ZNF527: variants seen among roughly 807,000 people sequenced by gnomAD.
ZNF527 encodes zinc finger protein 527.
ZNF527 carries 5 observed loss-of-function variants against 13.5 expected under a neutral mutation model. The observed-to-expected ratio is 0.37, with a 90% CI of 0.19 to 0.78. The LOEUF (loss-of-function observed/expected upper bound fraction) is 0.78. ZNF527 is among the 30% of genes least tolerant of loss of function. The pLI, the probability that ZNF527 is intolerant of heterozygous loss-of-function variation, is 0.48. For synonymous variants in ZNF527, 209 were observed against 243.1 expected, an observed-to-expected ratio of 0.86 and a Z score of 1.30; for missense variants, 628 against 726.4, an observed-to-expected ratio of 0.86 and a Z score of 1.56.
intron 2 of ZNF527, among the ~76,000 whole-genome samples, chr19:37,376,775 G>A (rs2040612199): frequency 6.6e-6 from 1 of 151,024 alleles, no homozygotes. Flanking sequence ...TTACAGTAGT[G>A]TAGCCAGCAG....
chr19:37,375,258 CTT>C (rs1490284010), intron 2 of ZNF527, among the ~76,000 whole-genome samples: 2 of 111,350 alleles, frequency 1.8e-5, no homozygotes, highest in African/African-American at 8.0e-5. Context: ...TTCTTTCTTT[CTT>C]TCTTTCTTTC....
At position 37,379,122 on chromosome 19, in the gene ZNF527, G is replaced by A. The variant is rs1174607605; in HGVS notation, c.36G>A (p.Gly12=). ...AVGLCKAMSQ[G]LVTFRDVALD... ...GAACAAGAATTTTTTTATTTCAGGGGTTGGTGACCTTCAGAGATGTGGCGC... is the reference window on the plus strand; with the variant it reads ...GAACAAGAATTTTTTTATTTCAGGGATTGGTGACCTTCAGAGATGTGGCGC... Residue 12 remains glycine (G), a splice_region_variant and synonymous_variant, in exon 3 of 5, where the codon GGG becomes GGA. Transcript: ENST00000436120. The A allele has an allele frequency of 6.2e-7, 1 of 1,614,032 alleles. No individual in the cohort carries two copies. The highest frequency in any genetic ancestry group is 2.2e-5 in the East Asian group (1 of 44,868).
chr19:37,375,279 T>TTTCTTTCC (rs2040591429), intron 2 of ZNF527, among the ~76,000 whole-genome samples: 1 of 129,230 alleles, frequency 7.7e-6, no homozygotes, highest in Admixed American at 8.1e-5. Context: ...TCTTTCTTTC[T>TTTCTTTCC]TTCTTTCTTT....
chr19:37,374,060 T>G, intron 1 of ZNF527, 98 bp from the exon 2 acceptor site: 2 of 781,144 alleles, frequency 2.6e-6, no homozygotes, highest in African/African-American at 1.7e-5. Flanking sequence ...GGCTGGCCCA[T>G]GTAGGGAGAA....
At chr19:37,386,887 A>T (rs990562426) in intron 4 of ZNF527, among the ~76,000 whole-genome samples, 23 of 152,214 alleles carry the variant, frequency 1.5e-4, no homozygotes, top group Non-Finnish European at 2.5e-4. Context: ...CAAGTGAGTG[A>T]GGGAACAGAA....
In ZNF527 at chr19:37,389,709, T is replaced by C; in HGVS notation, c.1660T>C (p.Tyr554His). 6.2e-7 allele frequency: 1 copy of C among 1,614,076 alleles called. No individual in the cohort carries two copies. The highest frequency in any genetic ancestry group is 8.5e-7 in the Non-Finnish European group (1 of 1,180,028). ...AAGAATTCATACTGGAGAGAAACCC[T>C]ATGAATGTAGTGAATGTGGGAAGGC... is the stretch of plus-strand genomic sequence containing the variant. ...HQRIHTGEKP[Y>H]ECSECGKAFH... Residue 554 changes from tyrosine to histidine, a missense_variant, in exon 5 of 5, where the codon TAT becomes CAT. Physicochemically the swap from Tyr to His is moderately conservative, Grantham distance 83 (BLOSUM62 2). This residue lies in a region of ZNF527 where 592 missense variants were observed against 678.0 expected (regional missense o/e 0.87). Coordinates refer to ENST00000436120, the MANE Select transcript of ZNF527 (RefSeq NM_032453.2).
intron 4 of ZNF527, 30 bp from the exon 5 acceptor site, chr19:37,388,276 G>A (rs752891488): frequency 3.3e-5 from 52 of 1,597,164 alleles, no homozygotes; most frequent in Non-Finnish European, 4.2e-5. Context: ...AAAGAACAAA[G>A]GAGACATTTG....
In ZNF527 at chr19:37,389,650, C is replaced by T. The variant is rs193056670; in HGVS notation, c.1601C>T (p.Ala534Val). 318 of 1,614,058 alleles carry T rather than the reference C, an allele frequency of 2.0e-4. 2 individuals carry two copies. The African/African-American group carries it at 3.3e-3, about 17-fold the overall frequency. ...KPYECNKCGK[A>V]FSCGSYLNQH... ...TATGAATGTAACAAATGTGGAAAGG[C>T]CTTCAGTTGTGGCTCATATCTTAAT... The change falls in exon 5 of 5, where the codon GCC becomes GTC. Residue 534 changes from alanine (A) to valine (V), a missense_variant. Physicochemically the swap from Ala to Val is moderately conservative, Grantham distance 64 (BLOSUM62 0). Transcript: ENST00000436120.
rs1000712510 is a variant in ZNF527 at position 37,391,236 on chromosome 19, CA to C, written c.*1359del. On this transcript the variant is annotated 3_prime_UTR_variant, in exon 5 of 5. Transcript: ENST00000436120. Reference sequence around the variant, plus strand: ...CATATTCTGTGGCAGAATATAATAACAATTAAATTGTAAATGAGGTCTTTTG... The same window carrying C: ...CATATTCTGTGGCAGAATATAATAACATTAAATTGTAAATGAGGTCTTTTG... The C allele has an allele frequency of 6.6e-6, 1 of 152,074 alleles. No homozygotes were observed. The highest frequency in any genetic ancestry group is 2.4e-5 in the African/African-American group (1 of 41,402). 9.4% of individuals were successfully genotyped at this position (152,074 alleles called of 1,614,324 possible). A position where few individuals can be genotyped will look rare whatever the true frequency, so the allele number is the denominator to read the frequency against.
At chr19:37,373,308 A>T (rs1025996718) in intron 1 of ZNF527, among the ~76,000 whole-genome samples, 1 of 152,356 alleles carries the variant, frequency 6.6e-6, no homozygotes, top group Admixed American at 6.5e-5. Flanking sequence ...TTTTATGTGT[A>T]TGTGAGATCA....
chr19:37,377,950 G>A (rs1250852493), intron 2 of ZNF527, among the ~76,000 whole-genome samples: 2 of 152,080 alleles, frequency 1.3e-5, no homozygotes, highest in African/African-American at 2.4e-5. Flanking sequence ...ACAACACTAT[G>A]GAGTTGTGTA....
chr19:37,375,294 C>CTTTCCT (rs1555826947), intron 2 of ZNF527, among the ~76,000 whole-genome samples: 3 of 104,192 alleles, frequency 2.9e-5, no homozygotes, highest in African/African-American at 1.3e-4. Context: ...TTCTTTCTTT[C>CTTTCCT]TTTCTTTCTT....
chr19:37,380,468 T>C (rs1467797885), intron 4 of ZNF527, 96 bp downstream of exon 4: 3 of 989,894 alleles, frequency 3.0e-6, no homozygotes, highest in Non-Finnish European at 4.5e-6. Flanking sequence ...GGATGAGAAC[T>C]GAAATCTCCA....
chr19:37,375,298 C>CTTTCTTTCTTTCTTTCT (rs1555826965), intron 2 of ZNF527, among the ~76,000 whole-genome samples: 33 of 103,812 alleles, frequency 3.2e-4, no homozygotes, highest in Non-Finnish European at 5.3e-4. Context: ...TTCTTTCTTT[C>CTTTCTTTCTTTCTTTCT]TTTCTTTCTT....
At chr19:37,372,732 C>G (rs1203108599) in intron 1 of ZNF527, among the ~76,000 whole-genome samples, 1 of 152,026 alleles carries the variant, frequency 6.6e-6, no homozygotes, top group African/African-American at 2.4e-5. Flanking sequence ...CTTGACCTCC[C>G]AAAGTGCTGG....
intron 2 of ZNF527, 101 bp downstream of exon 2, chr19:37,374,332 C>A: frequency 1.9e-6 from 2 of 1,034,076 alleles, no homozygotes; most frequent in Non-Finnish European, 3.0e-6. Context: ...GCACCCCTTC[C>A]ACTTCTCTCT....
rs2040746828 is a variant in ZNF527 at position 37,390,882 on chromosome 19, G to A, written c.*1003G>A. ...TTTACGTGGCATAATTATTTATCCT[G>A]AGGAGCAACCTTCTGATATAACAAG... On this transcript the variant is annotated 3_prime_UTR_variant, in exon 5 of 5. Coordinates refer to ENST00000436120, the MANE Select transcript of ZNF527 (RefSeq NM_032453.2). The A allele has an allele frequency of 6.6e-6, 1 of 152,164 alleles. No individual in the cohort carries two copies. 9.4% of individuals were successfully genotyped at this position (152,164 alleles called of 1,614,324 possible).
rs2040724374 is a variant in ZNF527, at chr19:37,388,902, T to C, written c.853T>C (p.Cys285Arg). The change falls in exon 5 of 5, where the codon TGT becomes CGT. Residue 285 changes from cysteine (C) to arginine (R), a missense_variant. By Grantham distance (180) the Cys-to-Arg change is radical (BLOSUM62 -3). This residue lies in a region of ZNF527 where 592 missense variants were observed against 678.0 expected (regional missense o/e 0.87). Transcript: ENST00000436120. ...GYDECGDAFS[C>R]YSFFTQPQRI... ...CGATGAATGTGGTGATGCCTTTAGC[T>C]GTTACTCATTCTTTACTCAACCTCA... 6.2e-7 allele frequency: 1 copy of C among 1,614,112 alleles called. No homozygotes were observed. Among genetic ancestry groups the C allele is most frequent in the Non-Finnish European group, 8.5e-7 (1 of 1,180,040 alleles).
rs553123357 is a variant in ZNF527, at chr19:37,390,976, C to G, written c.*1097C>G. 6.6e-6 allele frequency: 1 copy of G among 152,114 alleles called. No homozygotes were observed. Among genetic ancestry groups the G allele is most frequent in the Non-Finnish European group, 1.5e-5 (1 of 68,028 alleles). The allele number at this position is 152,114 out of a possible 1,614,324, so 9.4% of individuals were successfully genotyped here. A position where few individuals can be genotyped will look rare whatever the true frequency, so the allele number is the denominator to read the frequency against. On this transcript the variant is annotated 3_prime_UTR_variant, in exon 5 of 5. Coordinates refer to ENST00000436120, the MANE Select transcript of ZNF527 (RefSeq NM_032453.2). The stretch of plus-strand genomic sequence containing the variant: ...TGTTACATTTTATTTGTCGATAAAA[C>G]TATTTTAGTGTTTCTTAGTTTTTTT...
Sources: gnomAD v4.1 joint callset for allele counts (sites outside exome capture counted in the v4.1 genomes callset) on GRCh38, gnomAD v4.1.1 for gene constraint, gnomAD v4.1.1 regional missense constraint, MANE v1.5 for transcripts, NCBI Gene and HGNC (gene_info 2026-07-23, HGNC 2026-07-21) for gene names.